LRMDA: variants seen among roughly 807,000 people sequenced by gnomAD.
LRMDA encodes leucine rich melanocyte differentiation associated.
Under a neutral mutation model 29.8 loss-of-function variants are expected in LRMDA, and 18 were observed. The ratio of observed to expected loss-of-function variants is 0.60; its 90% CI spans 0.42 to 0.90. LRMDA has a LOEUF of 0.90. Ranked by LOEUF, LRMDA falls within the 40% of genes least tolerant of loss-of-function variation. The pLI is 0.00. For missense variants in LRMDA, 273 were observed against 273.9 expected, an observed-to-expected ratio of 1.00 and a Z score of 0.02; for synonymous variants, 125 against 109.4, an observed-to-expected ratio of 1.14 and a Z score of -0.89.
intron 2 of LRMDA, among the ~76,000 whole-genome samples, chr10:75,596,234 A>G (rs1840786626): frequency 6.6e-6 from 1 of 152,346 alleles, no homozygotes; most frequent in Middle Eastern, 3.4e-3. Context: ...CACTTGCCCA[A>G]TGTTACATAG....
At chr10:75,582,036 G>T (rs1224397957) in intron 2 of LRMDA, among the ~76,000 whole-genome samples, 1 of 152,208 alleles carries the variant, frequency 6.6e-6, no homozygotes, top group Non-Finnish European at 1.5e-5. Flanking sequence ...GGGCAGTTCT[G>T]CCCCTGTGAC....
chr10:76,492,161 G>A (rs1842839818), intron 6 of LRMDA, among the ~76,000 whole-genome samples: 2 of 152,016 alleles, frequency 1.3e-5, no homozygotes, highest in Non-Finnish European at 1.5e-5. Context: ...TGTCTGAAAG[G>A]TCACATAGCT....
At chr10:75,796,046 G>A (rs1179047269) in intron 2 of LRMDA, among the ~76,000 whole-genome samples, 1 of 152,052 alleles carries the variant, frequency 6.6e-6, no homozygotes, top group Admixed American at 6.5e-5. Flanking sequence ...TATTAACTTT[G>A]TATCTAGCAA....
intron 2 of LRMDA, among the ~76,000 whole-genome samples, chr10:75,944,375 G>A (rs1846443433): frequency 6.6e-6 from 1 of 151,832 alleles, no homozygotes; most frequent in African/African-American, 2.4e-5. Flanking sequence ...ATATTCATAG[G>A]TATGATTTTC....
chr10:76,241,359 A>ATCTTT (rs1852274914), intron 5 of LRMDA, among the ~76,000 whole-genome samples: 1 of 152,226 alleles, frequency 6.6e-6, no homozygotes, highest in Non-Finnish European at 1.5e-5. Flanking sequence ...GTTCCCAACC[A>ATCTTT]ACCTTTTACC....
At chr10:76,152,227 A>G (rs1339184981) in intron 5 of LRMDA, among the ~76,000 whole-genome samples, 1 of 152,200 alleles carries the variant, frequency 6.6e-6, no homozygotes, top group African/African-American at 2.4e-5. Context: ...CTGTCTCTAT[A>G]GATTTGCCTA....
intron 6 of LRMDA, among the ~76,000 whole-genome samples, chr10:76,420,520 A>G (rs1182953048): frequency 1.3e-5 from 2 of 151,910 alleles, no homozygotes; most frequent in South Asian, 2.1e-4. Context: ...TTTAATGTAC[A>G]TTTATTAATT....
At chr10:76,244,711 A>G (rs891445545) in intron 5 of LRMDA, among the ~76,000 whole-genome samples, 1 of 152,138 alleles carries the variant, frequency 6.6e-6, no homozygotes, top group Non-Finnish European at 1.5e-5. Context: ...AAAGAAGCCA[A>G]TGTAAATGGC....
chr10:75,563,403 G>A (rs969638352), intron 2 of LRMDA, among the ~76,000 whole-genome samples: 5 of 152,002 alleles, frequency 3.3e-5, no homozygotes, highest in Non-Finnish European at 7.3e-5. Flanking sequence ...GCACTTCTCT[G>A]TATTGGTTAT....
intron 6 of LRMDA, among the ~76,000 whole-genome samples, chr10:76,551,167 A>G (rs766026942): frequency 2.6e-5 from 4 of 151,080 alleles, no homozygotes; most frequent in South Asian, 2.1e-4. Flanking sequence ...TCTCTTTTCA[A>G]CTAGATGTTG....
chr10:75,704,818 TTC>T (rs1228758101), intron 2 of LRMDA, among the ~76,000 whole-genome samples: 1 of 152,224 alleles, frequency 6.6e-6, no homozygotes, highest in Non-Finnish European at 1.5e-5. Context: ...CTTTCTGCAC[TTC>T]TGTTTTCCCA....
chr10:76,435,887 A>G (rs1182793460), intron 6 of LRMDA, among the ~76,000 whole-genome samples: 1 of 152,240 alleles, frequency 6.6e-6, no homozygotes, highest in Non-Finnish European at 1.5e-5. Context: ...AATGATAAAA[A>G]GACCGAACAG....
rs118168495 is a variant in LRMDA at position 76,119,225 on chromosome 10, G to C, written c.516+60442G>C. ...TGCCTCTGTATCTCTCGGTGGTACA[G>C]ATGGTCTGTGAATAAAGACATCAAG... On this transcript the variant is annotated intron_variant, in intron 5 of 6. Transcript: ENST00000611255. Among the ~76,000 whole-genome samples, 1,140 of 146,222 alleles carry C rather than the reference G, an allele frequency of 7.8e-3. 6 individuals carry two copies. The highest frequency in any genetic ancestry group is 0.013 in the Non-Finnish European group (832 of 66,070).
chr10:76,034,937 C>A (rs1396461572), intron 2 of LRMDA, among the ~76,000 whole-genome samples: 1 of 152,080 alleles, frequency 6.6e-6, no homozygotes, highest in African/African-American at 2.4e-5. Context: ...AGCCCCTCTG[C>A]CGGCCGGCTT....
chr10:76,045,096 C>T (rs1487927804), intron 3 of LRMDA, among the ~76,000 whole-genome samples: 1 of 149,196 alleles, frequency 6.7e-6, no homozygotes. Flanking sequence ...TGCTAGTTTA[C>T]CTATTCTTGC....
intron 2 of LRMDA, among the ~76,000 whole-genome samples, chr10:75,565,346 G>T (rs1840356713): frequency 6.6e-6 from 1 of 152,202 alleles, no homozygotes; most frequent in Non-Finnish European, 1.5e-5. Flanking sequence ...TTCTTTCACT[G>T]GGGATTACCT....
At chr10:76,488,760 C>A (rs1456897654) in intron 6 of LRMDA, among the ~76,000 whole-genome samples, 1 of 151,844 alleles carries the variant, frequency 6.6e-6, no homozygotes, top group Non-Finnish European at 1.5e-5. Flanking sequence ...CAAATCCTCA[C>A]CAACACTTGG....
chr10:76,505,451 T>C (rs1197419942), intron 6 of LRMDA, among the ~76,000 whole-genome samples: 1 of 152,090 alleles, frequency 6.6e-6, no homozygotes, highest in African/African-American at 2.4e-5. Context: ...GATGTTTTGT[T>C]CATTTTTTAA....
chr10:76,134,339 G>A (rs1027544309), intron 5 of LRMDA, among the ~76,000 whole-genome samples: 17 of 152,366 alleles, frequency 1.1e-4, no homozygotes, highest in African/African-American at 4.1e-4. Flanking sequence ...AGGCCGGAAT[G>A]AGACCCAAAT....
Sources: allele counts gnomAD v4.1 joint callset (sites outside exome capture counted in the v4.1 genomes callset), GRCh38; gene constraint gnomAD v4.1.1; transcripts MANE v1.5; gene names NCBI Gene and HGNC (gene_info 2026-07-23, HGNC 2026-07-21).